Variants in COL24A1 observed in about 807,000 individuals in gnomAD.
The protein encoded by COL24A1 is collagen type XXIV alpha 1 chain.
Under a neutral mutation model 253.9 loss-of-function variants are expected in COL24A1, and 224 were observed. That is an observed-to-expected ratio of 0.88 (90% CI 0.79 to 0.99). The LOEUF (loss-of-function observed/expected upper bound fraction) is 0.99, where lower values mean the gene tolerates loss of function less well. COL24A1 is among the 50% of genes least tolerant of loss of function. The pLI, the probability that COL24A1 is intolerant of heterozygous loss-of-function variation, is 0.00. For synonymous variants in COL24A1, 685 were observed against 673.7 expected, an observed-to-expected ratio of 1.02 and a Z score of -0.26; for missense variants, 2,131 against 2,068.5, an observed-to-expected ratio of 1.03 and a Z score of -0.59.
At chr1:86,154,138 C>T (rs948689605) in intron 1 of COL24A1, 1 of 151,414 alleles carries the variant, frequency 6.6e-6, no homozygotes, top group African/African-American at 2.4e-5. Context: ...CAAATCCAGC[C>T]CCCCCGCCCC....
intron 2 of COL24A1, among the ~76,000 whole-genome samples, chr1:86,145,900 T>C (rs1305040476): frequency 6.6e-6 from 1 of 152,088 alleles, no homozygotes; most frequent in Non-Finnish European, 1.5e-5. Flanking sequence ...CTTAAAAATG[T>C]AAGCAATTTC....
intron 58 of COL24A1, among the ~76,000 whole-genome samples, chr1:85,737,157 A>G (rs762827225): frequency 1.3e-5 from 2 of 152,230 alleles, no homozygotes; most frequent in African/African-American, 4.8e-5. Context: ...TTTAAAAAAC[A>G]TGATCAGTAG....
intron 33 of COL24A1, 74 bp from the exon 34 acceptor site, chr1:85,875,404 A>T: frequency 5.9e-6 from 7 of 1,189,940 alleles, no homozygotes; most frequent in Non-Finnish European, 8.8e-6. Context: ...CACTGAACTC[A>T]AGGGTGAGAT....
intron 43 of COL24A1, among the ~76,000 whole-genome samples, chr1:85,832,935 T>C (rs1328155550): frequency 6.6e-6 from 1 of 151,508 alleles, no homozygotes; most frequent in Non-Finnish European, 1.5e-5. Flanking sequence ...TCCTGCCTAA[T>C]TGCCCTGGCC....
intron 5 of COL24A1, among the ~76,000 whole-genome samples, chr1:86,101,049 T>C (rs1421221348): frequency 1.3e-5 from 2 of 151,984 alleles, no homozygotes; most frequent in African/African-American, 4.8e-5. Flanking sequence ...GAAGTGTGCG[T>C]CTGGGCATCT....
chr1:85,783,415 G>A, intron 51 of COL24A1, 81 bp downstream of exon 51: 3 of 1,106,608 alleles, frequency 2.7e-6, no homozygotes, highest in African/African-American at 1.6e-5. Context: ...TTTACTTGAA[G>A]TACATTACAT....
chr1:86,052,408 A>T (rs498554), intron 10 of COL24A1, among the ~76,000 whole-genome samples: 108,675 of 151,996 alleles, frequency 0.71, 40,246 homozygotes, highest in African/African-American at 0.89. Flanking sequence ...GCCTTAAAAA[A>T]GAAGGATGCT....
In COL24A1 at chr1:85,970,274, T is replaced by TA. The variant is rs751533765; in HGVS notation, c.2419-4dup. The TA allele has an allele frequency of 0.072, 85,535 of 1,182,890 alleles. 1 individual carries two copies. The highest frequency in any genetic ancestry group is 0.078 in the Non-Finnish European group (66,816 of 854,194). The allele number at this position is 1,182,890 out of a possible 1,614,324, so 73.3% of individuals were successfully genotyped here. Reference sequence around the variant, plus strand: ...GCTCCAATTGGTCCTTCTTCTCCCTTAAAAAAAAAAAAAGTCAGAACATAT... The same window carrying TA: ...GCTCCAATTGGTCCTTCTTCTCCCTTAAAAAAAAAAAAAAGTCAGAACATAT... On this transcript the variant is annotated splice_polypyrimidine_tract_variant and splice_region_variant and intron_variant, in intron 21 of 59. Transcript: ENST00000370571.
chr1:85,843,758 A>G (rs1676878086), intron 39 of COL24A1, among the ~76,000 whole-genome samples: 2 of 152,084 alleles, frequency 1.3e-5, no homozygotes, highest in African/African-American at 2.4e-5. Flanking sequence ...TGATGATTGC[A>G]TTTGCCTAGA....
At chr1:85,857,458 C>CAAA (rs57368737) in intron 37 of COL24A1, among the ~76,000 whole-genome samples, 1 of 94,482 alleles carries the variant, frequency 1.1e-5, no homozygotes, top group African/African-American at 4.2e-5. Context: ...CCCTCTTCTC[C>CAAA]AAAAAAAAAA....
chr1:86,054,237 C>A (rs1052800601), intron 10 of COL24A1, among the ~76,000 whole-genome samples: 5 of 152,026 alleles, frequency 3.3e-5, no homozygotes, highest in Non-Finnish European at 5.9e-5. Flanking sequence ...CCGGCCTAGG[C>A]AAAGAATTTG....
intron 2 of COL24A1, among the ~76,000 whole-genome samples, chr1:86,144,872 T>C (rs1276730358): frequency 6.6e-6 from 1 of 152,144 alleles, no homozygotes; most frequent in Non-Finnish European, 1.5e-5. Context: ...TAGTAGCTCA[T>C]AGTAAGTTCT....
Position 85,889,281 on chromosome 1 carries a change from A to G in COL24A1, c.2976+279T>C, listed in dbSNP as rs181912815. On this transcript the variant is annotated intron_variant, in intron 32 of 59. Transcript: ENST00000370571. ...ATTATAAGAACAGCAAGCCATTCAG[A>G]AAGAGAATTTCTGAGATTCAATAAA... Among the ~76,000 whole-genome samples, 22 of 152,248 alleles carry G rather than the reference A, an allele frequency of 1.4e-4. No individual in the cohort carries two copies. The East Asian group carries it at 4.2e-3, about 29-fold the overall frequency.
chr1:85,971,382 T>G lies in COL24A1; in HGVS notation c.2376A>C (p.Gly792=). The G allele has an allele frequency of 6.2e-7, 1 of 1,611,564 alleles. No homozygotes were observed. Among genetic ancestry groups the G allele is most frequent in the Non-Finnish European group, 8.5e-7 (1 of 1,178,772 alleles). Residue 792 remains glycine (G), a synonymous_variant, in exon 21 of 60, where the codon GGA becomes GGC. Transcript: ENST00000370571. ...NGPEGPKGLL[G]NRGPPGPPGL... ...CAGGAGGTCCAGGAGGTCCTCTATT[T>G]CCAAGGAGTCCCTATAAAAGCAATA...
At chr1:85,760,253 C>T (rs424205) in intron 55 of COL24A1, among the ~76,000 whole-genome samples, 60,298 of 151,484 alleles carry the variant, frequency 0.4, 13,294 homozygotes, top group South Asian at 0.57. Flanking sequence ...CCATGTTGGC[C>T]AGGCTGGTCT....
intron 42 of COL24A1, among the ~76,000 whole-genome samples, chr1:85,839,921 A>AGGT (rs764009875): frequency 1.3e-5 from 2 of 152,204 alleles, no homozygotes; most frequent in Non-Finnish European, 2.9e-5. Context: ...AGCACCCACT[A>AGGT]GGACCTACCA....
chr1:86,025,465 T>C (rs988036057), intron 14 of COL24A1, among the ~76,000 whole-genome samples: 1 of 152,176 alleles, frequency 6.6e-6, no homozygotes, highest in Non-Finnish European at 1.5e-5. Flanking sequence ...GAGTTCCACA[T>C]GGTGCTTTTA....
chr1:86,133,658 A>G, intron 2 of COL24A1, among the ~76,000 whole-genome samples: 1 of 152,046 alleles, frequency 6.6e-6, no homozygotes, highest in East Asian at 1.9e-4. Flanking sequence ...ACGTTTATTG[A>G]TTTGTGTATG....
At chr1:85,867,694 A>AATAAAT (rs3084604) in intron 37 of COL24A1, among the ~76,000 whole-genome samples, 62,264 of 151,716 alleles carry the variant, frequency 0.41, 13,217 homozygotes, top group South Asian at 0.59. Context: ...GGAAGACTAT[A>AATAAAT]ATAAATTAAG....
Sources: gnomAD v4.1 joint callset for allele counts (sites outside exome capture counted in the v4.1 genomes callset) on GRCh38, gnomAD v4.1.1 for gene constraint, MANE v1.5 for transcripts, NCBI Gene and HGNC (gene_info 2026-07-23, HGNC 2026-07-21) for gene names.